EPHB1: variants seen among roughly 807,000 people sequenced by gnomAD.
EPHB1 encodes ephrin type-B receptor 1.
Under a neutral mutation model 94.4 loss-of-function variants are expected in EPHB1, and 30 were observed. The observed-to-expected ratio is 0.32, with a 90% confidence interval of 0.24 to 0.43. The LOEUF is 0.43. Among genes scored for constraint, EPHB1 ranks in the 20% least tolerant of loss-of-function variants. EPHB1 has a pLI of 1.00. For missense variants in EPHB1, 1,055 were observed against 1,308.3 expected (o/e 0.81, Z 2.99); for synonymous variants, 522 against 489.1 (o/e 1.07, Z -0.89).
chr3:134,998,037 A>G (rs1003193090), intron 3 of EPHB1, among the ~76,000 whole-genome samples: 5 of 152,212 alleles, frequency 3.3e-5, no homozygotes, highest in African/African-American at 1.2e-4. Flanking sequence ...GAGGAGATCA[A>G]TGTGTGTAGG....
At position 135,248,521 on chromosome 3, in the gene EPHB1, G is replaced by C. The variant is rs776054149; in HGVS notation, c.2690+12G>C. On this transcript the variant is annotated intron_variant, in intron 14 of 15. Transcript: ENST00000398015. Reference sequence around the variant, plus strand: ...ACCATCACCGCCGTGTGAGTCTAGTGAAACGGTGATCCCTAAATATGGCTG... The same window carrying C: ...ACCATCACCGCCGTGTGAGTCTAGTCAAACGGTGATCCCTAAATATGGCTG... 1.1e-5 allele frequency: 18 copies of C among 1,572,160 alleles called. No homozygotes were observed. In the South Asian group the frequency reaches 1.7e-4, roughly 15 times the overall value.
intron 3 of EPHB1, among the ~76,000 whole-genome samples, chr3:135,069,816 T>G: frequency 6.6e-6 from 1 of 151,754 alleles, no homozygotes; most frequent in East Asian, 1.9e-4. Flanking sequence ...GTCCCACCAA[T>G]ACATGATTAA....
At chr3:135,063,080 T>G (rs1226848469) in intron 3 of EPHB1, among the ~76,000 whole-genome samples, 1 of 152,222 alleles carries the variant, frequency 6.6e-6, no homozygotes, top group Non-Finnish European at 1.5e-5. Context: ...GCTGTTTTGG[T>G]GACTGTAACC....
chr3:135,017,842 A>G (rs1025270900), intron 3 of EPHB1, among the ~76,000 whole-genome samples: 2 of 152,142 alleles, frequency 1.3e-5, no homozygotes, highest in Non-Finnish European at 2.9e-5. Context: ...CCAAGTGTCC[A>G]TGCAGGGCCT....
chr3:134,879,331 C>T (rs142125230), intron 1 of EPHB1, among the ~76,000 whole-genome samples: 1 of 152,208 alleles, frequency 6.6e-6, no homozygotes, highest in East Asian at 1.9e-4. Context: ...AGCACAGATC[C>T]TATCAATAAA....
At chr3:134,977,772 C>T (rs546489953) in intron 3 of EPHB1, among the ~76,000 whole-genome samples, 2 of 152,246 alleles carry the variant, frequency 1.3e-5, no homozygotes, top group East Asian at 3.9e-4. Flanking sequence ...CCTAAAACAC[C>T]TAGAGCCCAC....
intron 1 of EPHB1, chr3:134,795,993 C>T (rs909847793): frequency 4.2e-6 from 2 of 476,078 alleles, no homozygotes; most frequent in African/African-American, 2.1e-5. Context: ...GAGCCCGCTG[C>T]ATTGCGGTGC....
chr3:135,072,149 G>A (rs1937740243), intron 3 of EPHB1, among the ~76,000 whole-genome samples: 1 of 152,116 alleles, frequency 6.6e-6, no homozygotes, highest in African/African-American at 2.4e-5. Flanking sequence ...CCAGTCAGGT[G>A]GGTCACCTGA....
chr3:134,876,376 A>G (rs376778500), intron 1 of EPHB1, among the ~76,000 whole-genome samples: 1 of 152,312 alleles, frequency 6.6e-6, no homozygotes, highest in East Asian at 1.9e-4. Flanking sequence ...AGTGATGGAA[A>G]TTCAACTCAA....
rs190180461 is a variant in EPHB1 at position 134,801,175 on chromosome 3, C to T, written c.58+5486C>T. On this transcript the variant is annotated intron_variant, in intron 1 of 15. Coordinates refer to ENST00000398015, the MANE Select transcript of EPHB1 (RefSeq NM_004441.5). ...TTCAGACAACCTCAACACTTCAGAT[C>T]AAGCTCCAGTTTCCATGTAGCTCTC... Among the ~76,000 whole-genome samples, 266 of 152,328 alleles carry T rather than the reference C, an allele frequency of 1.7e-3. 1 individual carries two copies. Among genetic ancestry groups the T allele is most frequent in the Non-Finnish European group, 8.2e-4 (56 of 68,032 alleles).
chr3:135,217,924 C>A (rs754881827), intron 12 of EPHB1, among the ~76,000 whole-genome samples: 1 of 152,156 alleles, frequency 6.6e-6, no homozygotes, highest in African/African-American at 2.4e-5. Context: ...TCAGAACGGG[C>A]AAGGTTTACT....
chr3:134,841,671 A>G (rs1299715523), intron 1 of EPHB1: 1 of 152,258 alleles, frequency 6.6e-6, no homozygotes, highest in Non-Finnish European at 1.5e-5. Flanking sequence ...AATTAGGCTC[A>G]CAATCATTTG....
intron 12 of EPHB1, among the ~76,000 whole-genome samples, chr3:135,211,123 G>A (rs1393902901): frequency 6.6e-6 from 1 of 152,020 alleles, no homozygotes; most frequent in Admixed American, 6.6e-5. Flanking sequence ...TAATATATAC[G>A]TCTTAATTTT....
intron 12 of EPHB1, among the ~76,000 whole-genome samples, chr3:135,228,526 A>G (rs1943454680): frequency 6.6e-6 from 1 of 152,092 alleles, no homozygotes; most frequent in Non-Finnish European, 1.5e-5. Context: ...TCACACAGAG[A>G]GTCATCAGTC....
chr3:135,031,484 A>T (rs1054091196), intron 3 of EPHB1, among the ~76,000 whole-genome samples: 1 of 152,048 alleles, frequency 6.6e-6, no homozygotes, highest in African/African-American at 2.4e-5. Context: ...GAATTTTTGT[A>T]TATTTTGTAG....
intron 10 of EPHB1, among the ~76,000 whole-genome samples, chr3:135,183,291 C>T (rs1276185212): frequency 7.3e-6 from 1 of 137,142 alleles, no homozygotes; most frequent in African/African-American, 2.7e-5. Flanking sequence ...TTCCTTCCTT[C>T]CTGGAGAGCT....
intron 3 of EPHB1, among the ~76,000 whole-genome samples, chr3:135,041,475 A>G (rs1194338717): frequency 6.6e-6 from 1 of 152,178 alleles, no homozygotes; most frequent in East Asian, 1.9e-4. Flanking sequence ...AAAGAACCCC[A>G]TGGTCTCACT....
intron 3 of EPHB1, among the ~76,000 whole-genome samples, chr3:135,105,348 G>C (rs1939173139): frequency 6.6e-6 from 1 of 152,202 alleles, no homozygotes; most frequent in Admixed American, 6.5e-5. Flanking sequence ...ATGAAGTAAT[G>C]AGGTGTGTAA....
chr3:135,033,139 A>C (rs2107761713), intron 3 of EPHB1, among the ~76,000 whole-genome samples: 1 of 152,302 alleles, frequency 6.6e-6, no homozygotes, highest in African/African-American at 2.4e-5. Context: ...TAACTGATGG[A>C]CTTCAATGCA....
Sources: gnomAD v4.1 joint callset for allele counts (sites outside exome capture counted in the v4.1 genomes callset) on GRCh38, gnomAD v4.1.1 for gene constraint, MANE v1.5 for transcripts, NCBI Gene and HGNC (gene_info 2026-07-23, HGNC 2026-07-21) for gene names.